Variants in PLD3 observed in about 807,000 individuals in gnomAD.
PLD3 encodes 5'-3' exonuclease PLD3.
A neutral mutation model predicts 58.4 loss-of-function variants in PLD3; 31 were observed. The observed-to-expected ratio is 0.53, with a 90% CI of 0.40 to 0.72. The LOEUF is 0.72. Among genes scored for constraint, PLD3 ranks in the 30% least tolerant of loss-of-function variants. The pLI is 0.00. For missense variants in PLD3, 595 were observed against 659.8 expected, an observed-to-expected ratio of 0.90 and a Z score of 1.08; for synonymous variants, 264 against 273.4, an observed-to-expected ratio of 0.97 and a Z score of 0.34.
Position 40,376,596 on chromosome 19 carries a change from C to T in PLD3, c.1020-13C>T. 5.6e-6 allele frequency: 9 copies of T among 1,607,580 alleles called. No homozygotes were observed. The highest frequency in any genetic ancestry group is 6.8e-6 in the Non-Finnish European group (8 of 1,178,796). On this transcript the variant is annotated splice_polypyrimidine_tract_variant and intron_variant, in intron 10 of 12. Transcript: ENST00000409735. ...TCTGCATCCTGCCCCACCTCCTATACACCCGTCCTCAGGTTCTGGCCTGCC... is the reference window on the plus strand; with the variant it reads ...TCTGCATCCTGCCCCACCTCCTATATACCCGTCCTCAGGTTCTGGCCTGCC...
At chr19:40,361,950 C>T (rs1035142262) in intron 1 of PLD3, among the ~76,000 whole-genome samples, 1 of 152,082 alleles carries the variant, frequency 6.6e-6, no homozygotes, top group African/African-American at 2.4e-5. Flanking sequence ...AATTCGCCCA[C>T]CTCAGCCTCC....
In PLD3 at chr19:40,377,963, A is replaced by G. The variant is rs769624824; in HGVS notation, c.1286-23A>G. The G allele has an allele frequency of 5.0e-6, 8 of 1,612,540 alleles. No homozygotes were observed. In the African/African-American group the frequency reaches 6.7e-5, roughly 13 times the overall value. On this transcript the variant is annotated intron_variant, in intron 12 of 12. Transcript: ENST00000409735. ...GGGGCGGCCCCCCGAGGGTGCCCTT[A>G]TGCTCCACCCATTCCTCTCTAGGAA...
chr19:40,366,902 T>C lies in PLD3; in HGVS notation c.232T>C (p.Tyr78His). The change falls in exon 5 of 13, where the codon TAT becomes CAT. Residue 78 changes from tyrosine to histidine, a missense_variant. Coordinates refer to ENST00000409735, the MANE Select transcript of PLD3 (RefSeq NM_012268.4). ...FGPNQRPAPC[Y>H]DPCEAVLVES... ...GCCCAACCAGCGCCCAGCCCCCTGC[T>C]ATGACCCTTGCGAGTAAGTGGGGGG... 1 of 1,606,018 alleles carries C rather than the reference T, an allele frequency of 6.2e-7. No homozygotes were observed. The highest frequency in any genetic ancestry group is 8.5e-7 in the Non-Finnish European group (1 of 1,175,614).
intron 1 of PLD3, among the ~76,000 whole-genome samples, chr19:40,361,843 C>CT (rs71171562): frequency 4.7e-4 from 70 of 148,420 alleles, no homozygotes; most frequent in Middle Eastern, 3.4e-3. Context: ...TTATTATCAC[C>CT]TTTTTTTTTT....
chr19:40,365,606 G>A (rs2078897591), intron 1 of PLD3, 112 bp from the exon 2 acceptor site: 1 of 152,238 alleles, frequency 6.6e-6, no homozygotes, highest in African/African-American at 2.4e-5. Flanking sequence ...GAGAAAAGAC[G>A]TGAGGTTCCT....
chr19:40,352,116 A>T (rs1200737071), intron 1 of PLD3, among the ~76,000 whole-genome samples: 2 of 152,032 alleles, frequency 1.3e-5, no homozygotes, highest in Non-Finnish European at 2.9e-5. Context: ...TACCAAAATT[A>T]TATAAAATTA....
Position 40,378,212 on chromosome 19 carries a change from C to T in PLD3, c.*39C>T, listed in dbSNP as rs759019500. 1.9e-5 allele frequency: 30 copies of T among 1,580,496 alleles called. No individual in the cohort carries two copies. The South Asian group carries it at 3.1e-4, about 17-fold the overall frequency. ...GGGCAGGCCAAGGCCTGCTGGGCCC[C>T]CGCGGACCCAGGTGCTCTGGGTCAC... On this transcript the variant is annotated 3_prime_UTR_variant, in exon 13 of 13. Transcript: ENST00000409735.
At chr19:40,355,526 G>A (rs2078634144) in intron 1 of PLD3, among the ~76,000 whole-genome samples, 1 of 150,562 alleles carries the variant, frequency 6.6e-6, no homozygotes, top group African/African-American at 2.4e-5. Context: ...TGGCCAGGCT[G>A]GTCTCGAACT....
At chr19:40,368,857 G>A (rs1366965726) in intron 6 of PLD3, among the ~76,000 whole-genome samples, 1 of 152,064 alleles carries the variant, frequency 6.6e-6, no homozygotes, top group African/African-American at 2.4e-5. Flanking sequence ...CCCAGGAGTT[G>A]GAGGCTGCAG....
chr19:40,371,765 A>G lies in PLD3; in HGVS notation c.771A>G (p.Ala257=). 6.2e-7 allele frequency: 1 copy of G among 1,613,980 alleles called. No homozygotes were observed. Among genetic ancestry groups the G allele is most frequent in the Non-Finnish European group, 8.5e-7 (1 of 1,179,916 alleles). ...AGGCCTACTGGTTCCTGGGCCAGGCAGGCAGCTCCATCCCATCAACTTGGC... is the reference window on the plus strand; with the variant it reads ...AGGCCTACTGGTTCCTGGGCCAGGCGGGCAGCTCCATCCCATCAACTTGGC... The part of the protein sequence containing the change: ...IFEAYWFLGQ[A]GSSIPSTWPR... Residue 257 remains alanine, a synonymous_variant, in exon 9 of 13, where the codon GCA becomes GCG. Coordinates refer to ENST00000409735, the MANE Select transcript of PLD3 (RefSeq NM_012268.4).
At position 40,369,898 on chromosome 19, in the gene PLD3, C is replaced by T. The variant is rs756200256; in HGVS notation, c.430-10C>T. On this transcript the variant is annotated splice_polypyrimidine_tract_variant and intron_variant, in intron 6 of 12. Coordinates refer to ENST00000409735, the MANE Select transcript of PLD3 (RefSeq NM_012268.4). Reference sequence around the variant, plus strand: ...GGTCCAGCCCCTCAGAAGCTCTCCCCTCCCCGCAGGGTGAGGAGGTCCTCC... The same window carrying T: ...GGTCCAGCCCCTCAGAAGCTCTCCCTTCCCCGCAGGGTGAGGAGGTCCTCC... 6.5e-7 allele frequency: 1 copy of T among 1,549,680 alleles called. No homozygotes were observed. Among genetic ancestry groups the T allele is most frequent in the Non-Finnish European group, 8.7e-7 (1 of 1,147,752 alleles).
intron 9 of PLD3, 42 bp from the exon 10 acceptor site, chr19:40,374,439 A>C (rs1307697691): frequency 6.2e-7 from 1 of 1,608,946 alleles, no homozygotes; most frequent in South Asian, 1.1e-5. Context: ...TGTGACGATG[A>C]CCCTGGCAGG....
At chr19:40,371,420 G>C in intron 8 of PLD3, 1 of 503,592 alleles carries the variant, frequency 2.0e-6, no homozygotes, top group Non-Finnish European at 3.6e-6. Flanking sequence ...CTAGACCTAA[G>C]AATGAGTAGA....
At chr19:40,353,288 G>A (rs2078563717) in intron 1 of PLD3, among the ~76,000 whole-genome samples, 1 of 152,080 alleles carries the variant, frequency 6.6e-6, no homozygotes, top group Non-Finnish European at 1.5e-5. Context: ...AAATTAGCCA[G>A]GTGTGGTGGC....
rs1313886181 is a variant in PLD3, at chr19:40,367,857, C to G, written c.407C>G (p.Thr136Arg). Residue 136 changes from threonine to arginine, a missense_variant, in exon 6 of 13, where the codon ACG (threonine) becomes AGG (arginine). Physicochemically the swap from Thr to Arg is moderately conservative, Grantham distance 71 (BLOSUM62 -1). Coordinates refer to ENST00000409735, the MANE Select transcript of PLD3 (RefSeq NM_012268.4). ...ACCCTCACCAACAATGACACCCACA[C>G]GCAGGAGCCCTCTGCCCAGCAGGTA... The part of the protein sequence containing the change: ...YWTLTNNDTH[T>R]QEPSAQQGEE... The G allele has an allele frequency of 6.4e-7, 1 of 1,559,006 alleles. No individual in the cohort carries two copies. Among genetic ancestry groups the G allele is most frequent in the Non-Finnish European group, 8.7e-7 (1 of 1,154,536 alleles).
intron 1 of PLD3, chr19:40,359,627 G>T (rs1387337601): frequency 6.6e-6 from 1 of 152,192 alleles, no homozygotes; most frequent in Non-Finnish European, 1.5e-5. Context: ...GGGCACCCTA[G>T]CTAGGAGCCT....
chr19:40,373,584 A>G (rs970850561), intron 9 of PLD3, among the ~76,000 whole-genome samples: 1 of 150,258 alleles, frequency 6.7e-6, no homozygotes, highest in Non-Finnish European at 1.5e-5. Flanking sequence ...TTCAAAAAAA[A>G]AAAAAGGGGG....
rs779951821 is a variant in PLD3 at position 40,377,894 on chromosome 19, C to T, written c.1285+9C>T. On this transcript the variant is annotated intron_variant, in intron 12 of 12. Coordinates refer to ENST00000409735, the MANE Select transcript of PLD3 (RefSeq NM_012268.4). ...ACGCGCCACCTACATCGGTGAGTGTCTTGAGCACCACGGGGCGCTGAAGAA... is the reference window on the plus strand; with the variant it reads ...ACGCGCCACCTACATCGGTGAGTGTTTTGAGCACCACGGGGCGCTGAAGAA... The T allele has an allele frequency of 7.4e-6, 12 of 1,613,754 alleles. 2 individuals carry two copies. Among genetic ancestry groups the T allele is most frequent in the Middle Eastern group, 3.3e-4 (2 of 6,058 alleles).
chr19:40,351,431 G>C (rs2078512475), intron 1 of PLD3, among the ~76,000 whole-genome samples: 2 of 152,024 alleles, frequency 1.3e-5, no homozygotes, highest in East Asian at 1.9e-4. Context: ...TGTAATCCCA[G>C]CTATTCAGGA....
Sources: allele counts gnomAD v4.1 joint callset (sites outside exome capture counted in the v4.1 genomes callset), GRCh38; gene constraint gnomAD v4.1.1; transcripts MANE v1.5; gene names NCBI Gene and HGNC (gene_info 2026-07-23, HGNC 2026-07-21).